The following GAL variants were observed in gnomAD, a reference collection of about 807,000 sequenced individuals.
GAL encodes the protein galanin and GMAP prepropeptide.
GAL carries 14 observed loss-of-function variants against 15.8 expected under a neutral mutation model. The observed-to-expected ratio is 0.89, with a 90% CI of 0.59 to 1.39. The LOEUF (loss-of-function observed/expected upper bound fraction) is 1.39. GAL is among the 40% of genes most tolerant of loss of function. GAL has a pLI of 0.00. For synonymous variants in GAL, 79 were observed against 73.8 expected (o/e 1.07, Z -0.36); for missense variants, 176 against 170.4 (o/e 1.03, Z -0.18).
rs1036380082 is a variant in GAL, at chr11:68,685,632, C to G, written c.120C>G (p.Gly40=). 1 of 1,613,032 alleles carries G rather than the reference C, an allele frequency of 6.2e-7. No individual in the cohort carries two copies. The highest frequency in any genetic ancestry group is 8.5e-7 in the Non-Finnish European group (1 of 1,179,004). The change falls in exon 3 of 6, where the codon GGC becomes GGG. Residue 40 remains glycine (G), a synonymous_variant. Transcript: ENST00000265643. ...EKRGWTLNSA[G]YLLGPHAVGN... ...GAGGCTGGACCCTGAACAGCGCGGGCTACCTGCTGGGCCCACGTAAGTGAC... is the reference window on the plus strand; with the variant it reads ...GAGGCTGGACCCTGAACAGCGCGGGGTACCTGCTGGGCCCACGTAAGTGAC...
chr11:68,684,733 G>A lies in GAL; in HGVS notation c.-1+1G>A. The A allele has an allele frequency of 2.0e-6, 1 of 502,190 alleles. No homozygotes were observed. Among genetic ancestry groups the A allele is most frequent in the East Asian group, 3.4e-5 (1 of 29,432 alleles). The allele number at this position is 502,190 out of a possible 1,614,324, so 31.1% of individuals were successfully genotyped here. ...AACCCGGGCGCAGCCGCAGCTCAAG[G>A]TACTACTGGCGCCGGGCCGACCCTG... On this transcript the variant is annotated splice_donor_variant, in intron 1 of 5. Coordinates refer to ENST00000265643, the MANE Select transcript of GAL (RefSeq NM_015973.5). LOFTEE classifies it low-confidence loss of function (5UTR_SPLICE).
intron 3 of GAL, among the ~76,000 whole-genome samples, chr11:68,687,445 G>A (rs539272867): frequency 7.2e-5 from 11 of 151,804 alleles, no homozygotes; most frequent in Middle Eastern, 3.4e-3. Flanking sequence ...ACGCACACAC[G>A]CTCCTGCACC....
chr11:68,690,355 C>T lies in GAL; in HGVS notation c.302-562C>T, dbSNP rs79188064. Among the ~76,000 whole-genome samples, 165 of 152,062 alleles carry T rather than the reference C, an allele frequency of 1.1e-3. 2 individuals are homozygous for T. The East Asian group carries it at 0.027, about 24-fold the overall frequency. On this transcript the variant is annotated intron_variant, in intron 5 of 5. Transcript: ENST00000265643. The stretch of plus-strand genomic sequence containing the variant: ...GCTAATCCTTGGGTTCATTTTGGAT[C>T]AGGATGTTTTTCATTTGCAGTGTTA...
At chr11:68,685,756 C>T in intron 3 of GAL, 108 bp downstream of exon 3, 1 of 749,530 alleles carries the variant, frequency 1.3e-6, no homozygotes, top group Non-Finnish European at 2.4e-6. Flanking sequence ...TCTGGCCTCC[C>T]TCTTGACCTC....
chr11:68,685,618 C>T lies in GAL; in HGVS notation c.106C>T (p.Leu36=), dbSNP rs528520052. The T allele has an allele frequency of 5.6e-6, 9 of 1,613,716 alleles. No homozygotes were observed. The Admixed American group carries it at 1.0e-4, about 18-fold the overall frequency. ...GGCCAAGGAAAAACGAGGCTGGACC[C>T]TGAACAGCGCGGGCTACCTGCTGGG... ...SPAKEKRGWT[L]NSAGYLLGPH... is the part of the protein sequence containing the mutation. Residue 36 remains leucine (L), a synonymous_variant, in exon 3 of 6, where the codon CTG becomes TTG. Coordinates refer to ENST00000265643, the MANE Select transcript of GAL (RefSeq NM_015973.5).
chr11:68,688,001 G>C lies in GAL; in HGVS notation c.137-13G>C, dbSNP rs745456745. ...GTCACACCCAGAGGCTTTCCTCTCTGATCTGCAAACAGATGCCGTTGGCAA... is the reference window on the plus strand; with the variant it reads ...GTCACACCCAGAGGCTTTCCTCTCTCATCTGCAAACAGATGCCGTTGGCAA... On this transcript the variant is annotated splice_polypyrimidine_tract_variant and intron_variant, in intron 3 of 5. Coordinates refer to ENST00000265643, the MANE Select transcript of GAL (RefSeq NM_015973.5). 4 of 1,584,820 alleles carry C rather than the reference G, an allele frequency of 2.5e-6. No individual in the cohort carries two copies. The highest frequency in any genetic ancestry group is 3.5e-6 in the Non-Finnish European group (4 of 1,153,746).
chr11:68,686,409 ACTGCCTT>A (rs1945852814), intron 3 of GAL, among the ~76,000 whole-genome samples: 1 of 152,138 alleles, frequency 6.6e-6, no homozygotes, highest in African/African-American at 2.4e-5. Flanking sequence ...GCCTCCCTGT[ACTGCCTT>A]CTGCCAGAGG....
intron 5 of GAL, among the ~76,000 whole-genome samples, chr11:68,690,351 GGA>G (rs952782217): frequency 1.2e-4 from 19 of 152,178 alleles, no homozygotes; most frequent in Non-Finnish European, 2.2e-4. Flanking sequence ...GGTTCATTTT[GGA>G]TCAGGATGTT....
chr11:68,685,713 C>A, intron 3 of GAL, 65 bp downstream of exon 3: 2 of 1,134,040 alleles, frequency 1.8e-6, no homozygotes, highest in South Asian at 2.6e-5. Context: ...TGAACCCTGG[C>A]TCCTGCCCCT....
chr11:68,688,242 C>T lies in GAL; in HGVS notation c.223+142C>T, dbSNP rs111800321. The T allele has an allele frequency of 7.5e-4, 474 of 634,048 alleles. 2 individuals carry two copies. The African/African-American group carries it at 7.9e-3, about 11-fold the overall frequency. 39.3% of individuals were successfully genotyped at this position (634,048 alleles called of 1,614,324 possible). ...TGACTTGACTAAGACGATGTGGCCT[C>T]GCCACACCTGTCAGCAGCTGCAAAC... On this transcript the variant is annotated intron_variant, in intron 4 of 5. Coordinates refer to ENST00000265643, the MANE Select transcript of GAL (RefSeq NM_015973.5).
chr11:68,688,862 G>C lies in GAL; in HGVS notation c.237G>C (p.Arg79Ser). ...EDDMKPGSFD[R>S]SIPENNIMRT... The stretch of plus-strand genomic sequence containing the variant: ...TTTCTCTTCTAGGAAGCTTTGACAG[G>C]TCCATACCTGAAAACAATATCATGC... Residue 79 changes from arginine to serine, a missense_variant, in exon 5 of 6, where the codon AGG becomes AGC. Physicochemically the swap from Arg to Ser is moderately radical, Grantham distance 110. Coordinates refer to ENST00000265643, the MANE Select transcript of GAL (RefSeq NM_015973.5). 1 of 1,550,630 alleles carries C rather than the reference G, an allele frequency of 6.4e-7. No homozygotes were observed.
At chr11:68,688,150 C>T (rs913731078) in intron 4 of GAL, 50 bp downstream of exon 4, 1 of 1,121,108 alleles carries the variant, frequency 8.9e-7, no homozygotes, top group Non-Finnish European at 1.4e-6. Flanking sequence ...TCCACCAGCT[C>T]CCAGGTGCAT....
chr11:68,689,342 TTTTC>T (rs936249060), intron 5 of GAL, among the ~76,000 whole-genome samples: 18 of 152,120 alleles, frequency 1.2e-4, no homozygotes, highest in Non-Finnish European at 2.2e-4. Flanking sequence ...CTCTTCTCTC[TTTTC>T]TTTCTTTCTT....
intron 3 of GAL, among the ~76,000 whole-genome samples, chr11:68,686,683 G>A (rs575524344): frequency 6.6e-6 from 1 of 152,286 alleles, no homozygotes; most frequent in East Asian, 1.9e-4. Flanking sequence ...TCACCACAGA[G>A]CCTGCTGGTC....
Position 68,684,939 on chromosome 11 carries a change from G to GCCCTCCTGCTCGCCT in GAL, c.24_38dup (p.Ser11_Ala15dup). 1 of 1,607,602 alleles carries GCCCTCCTGCTCGCCT rather than the reference G, an allele frequency of 6.2e-7. No individual in the cohort carries two copies. Among genetic ancestry groups the GCCCTCCTGCTCGCCT allele is most frequent in the East Asian group, 2.2e-5 (1 of 44,802 alleles). ...TCCCTTCCAGATGGCCCGAGGCAGC[G>GCCCTCCTGCTCGCCT]CCCTCCTGCTCGCCTCCCTCCTCCT... On this transcript the variant is annotated inframe_insertion, in exon 2 of 6. Transcript: ENST00000265643.
Position 68,684,951 on chromosome 11 carries a change from G to A in GAL, c.28G>A (p.Ala10Thr), listed in dbSNP as rs766211433. ...GGCCCGAGGCAGCGCCCTCCTGCTC[G>A]CCTCCCTCCTCCTCGCCGCGGCCCT... MARGSALLL[A>T]SLLLAAALSA... Residue 10 changes from alanine (A) to threonine (T), a missense_variant, in exon 2 of 6, where the codon GCC becomes ACC. Transcript: ENST00000265643. 4.3e-6 allele frequency: 7 copies of A among 1,609,204 alleles called. No homozygotes were observed. Among genetic ancestry groups the A allele is most frequent in the South Asian group, 2.2e-5 (2 of 90,484 alleles).
In GAL at chr11:68,688,916, G is replaced by A. The variant is rs746920897; in HGVS notation, c.291G>A (p.Leu97=). 6.7e-7 allele frequency: 1 copy of A among 1,503,354 alleles called. No individual in the cohort carries two copies. The highest frequency in any genetic ancestry group is 9.3e-7 in the Non-Finnish European group (1 of 1,079,108). The allele number at this position is 1,503,354 out of a possible 1,614,324, so 93.1% of individuals were successfully genotyped here. ...MRTIIEFLSF[L]HLKEAGALDR... is the part of the protein sequence containing the mutation. ...CAATCATTGAGTTTCTGTCTTTCTTGCATCTCAAAGGTATGTGAAATATCA... is the reference window on the plus strand; with the variant it reads ...CAATCATTGAGTTTCTGTCTTTCTTACATCTCAAAGGTATGTGAAATATCA... Residue 97 remains leucine, a synonymous_variant, in exon 5 of 6, where the codon TTG becomes TTA. Coordinates refer to ENST00000265643, the MANE Select transcript of GAL (RefSeq NM_015973.5).
At chr11:68,687,863 C>T (rs997517955) in intron 3 of GAL, 151 bp from the exon 4 acceptor site, 2 of 615,978 alleles carry the variant, frequency 3.2e-6, no homozygotes, top group Non-Finnish European at 6.0e-6. Context: ...GAGAATCGCT[C>T]CCTCTGCTCT....
At chr11:68,685,045 A>G in intron 2 of GAL, 41 bp downstream of exon 2, 2 of 1,378,602 alleles carry the variant, frequency 1.5e-6, no homozygotes, top group South Asian at 1.2e-5. Context: ...AGGGGACATC[A>G]GAGCCGGCCG....
Sources: allele counts gnomAD v4.1 joint callset (sites outside exome capture counted in the v4.1 genomes callset), GRCh38; gene constraint gnomAD v4.1.1; transcripts MANE v1.5; gene names NCBI Gene and HGNC (gene_info 2026-07-23, HGNC 2026-07-21).